PBX1: variants seen among roughly 807,000 people sequenced by gnomAD.
PBX1 encodes the protein PBX homeobox 1, also known as pre-B-cell leukemia transcription factor 1.
Under a neutral mutation model 53.4 loss-of-function variants are expected in PBX1, and 6 were observed. The observed-to-expected ratio is 0.11, with a 90% CI of 0.06 to 0.22. The LOEUF is 0.22. Among genes scored for constraint, PBX1 ranks in the 10% least tolerant of loss-of-function variants. PBX1 has a pLI of 1.00. For synonymous variants in PBX1, 204 were observed against 212.3 expected, an observed-to-expected ratio of 0.96 and a Z score of 0.34; for missense variants, 251 against 551.4, an observed-to-expected ratio of 0.46 and a Z score of 5.46.
intron 2 of PBX1, among the ~76,000 whole-genome samples, chr1:164,586,109 T>C (rs1475299811): frequency 6.6e-6 from 1 of 152,136 alleles, no homozygotes; most frequent in Non-Finnish European, 1.5e-5. Flanking sequence ...GAACTGTAAA[T>C]GTAGGTGATT....
intron 2 of PBX1, among the ~76,000 whole-genome samples, chr1:164,570,007 A>G (rs1388091391): frequency 6.6e-6 from 1 of 152,206 alleles, no homozygotes; most frequent in Non-Finnish European, 1.5e-5. Context: ...TACAAACTGG[A>G]CAACAACCGC....
intron 2 of PBX1, among the ~76,000 whole-genome samples, chr1:164,681,758 A>G (rs1421624369): frequency 6.6e-6 from 1 of 152,180 alleles, no homozygotes; most frequent in Non-Finnish European, 1.5e-5. Context: ...AAAATAATTC[A>G]TACACCCATC....
chr1:164,876,932 C>T (rs550832132), intron 2 of PBX1, among the ~76,000 whole-genome samples: 4 of 152,318 alleles, frequency 2.6e-5, no homozygotes, highest in East Asian at 1.9e-4. Flanking sequence ...CTAACTCACC[C>T]TGGACCTCAC....
intron 2 of PBX1, among the ~76,000 whole-genome samples, chr1:164,645,627 A>G (rs1249079550): frequency 6.6e-6 from 1 of 152,114 alleles, no homozygotes. Flanking sequence ...GGATGGAAAT[A>G]TTGAGGACAA....
chr1:164,824,636 A>G (rs1368084629), intron 8 of PBX1, among the ~76,000 whole-genome samples: 1 of 151,876 alleles, frequency 6.6e-6, no homozygotes, highest in Non-Finnish European at 1.5e-5. Flanking sequence ...TGCTTTTGAG[A>G]TGGATATAGT....
At chr1:164,587,705 C>T (rs1655044062) in intron 2 of PBX1, among the ~76,000 whole-genome samples, 1 of 152,194 alleles carries the variant, frequency 6.6e-6, no homozygotes, top group Non-Finnish European at 1.5e-5. Flanking sequence ...GACCCATCTG[C>T]TTCTCTTCTT....
intron 2 of PBX1, among the ~76,000 whole-genome samples, chr1:164,786,681 CTGTGTGTG>C (rs74747780): frequency 0.22 from 30,293 of 140,402 alleles, 3,381 homozygotes; most frequent in South Asian, 0.31. Context: ...TCAGAAGAGA[CTGTGTGTG>C]TGTGTGTGTG....
intron 2 of PBX1, among the ~76,000 whole-genome samples, chr1:164,733,750 T>G (rs1199237403): frequency 6.6e-6 from 1 of 152,234 alleles, no homozygotes; most frequent in Non-Finnish European, 1.5e-5. Context: ...ATATATCCAA[T>G]TAAAATTTTT....
intron 8 of PBX1, 53 bp from the exon 9 acceptor site, chr1:164,846,531 A>G: frequency 6.5e-7 from 1 of 1,527,496 alleles, no homozygotes; most frequent in South Asian, 1.1e-5. Flanking sequence ...TTGTCTGCTG[A>G]AAACAGCCAC....
chr1:164,738,465 A>G (rs1014502868), intron 2 of PBX1, among the ~76,000 whole-genome samples: 7 of 151,848 alleles, frequency 4.6e-5, no homozygotes, highest in African/African-American at 7.3e-5. Flanking sequence ...TTTATTTTCA[A>G]TTTTTTTCTA....
At chr1:164,656,371 A>G (rs947152001) in intron 2 of PBX1, among the ~76,000 whole-genome samples, 5 of 152,206 alleles carry the variant, frequency 3.3e-5, no homozygotes, top group Admixed American at 6.5e-5. Flanking sequence ...TGTTCAGTAC[A>G]TCTCATAGAA....
At chr1:164,732,591 A>G (rs1665055406) in intron 2 of PBX1, among the ~76,000 whole-genome samples, 1 of 152,008 alleles carries the variant, frequency 6.6e-6, no homozygotes. Flanking sequence ...TCTTTCCATT[A>G]CTTTTAATGG....
At chr1:164,615,295 A>C (rs532992349) in intron 2 of PBX1, among the ~76,000 whole-genome samples, 1 of 152,120 alleles carries the variant, frequency 6.6e-6, no homozygotes, top group Non-Finnish European at 1.5e-5. Context: ...GTTTATTTCC[A>C]TTTCTACTTG....
chr1:164,560,191 A>G (rs2101679297), intron 1 of PBX1, 178 bp downstream of exon 1: 1 of 535,942 alleles, frequency 1.9e-6, no homozygotes. Context: ...GTTGTTATCG[A>G]AAGTGTAATC....
intron 2 of PBX1, among the ~76,000 whole-genome samples, chr1:164,697,713 C>G (rs1662872337): frequency 6.6e-6 from 1 of 152,166 alleles, no homozygotes; most frequent in Admixed American, 6.5e-5. Flanking sequence ...GAAAATTAAA[C>G]TGTCACAGAG....
intron 2 of PBX1, chr1:164,674,488 A>G (rs1661307212): frequency 6.6e-6 from 1 of 152,202 alleles, no homozygotes; most frequent in Admixed American, 6.5e-5. Flanking sequence ...CCCATTTTCC[A>G]GTTACAGAGA....
At chr1:164,792,332 A>G (rs1571415987) in intron 2 of PBX1, among the ~76,000 whole-genome samples, 162 bp from the exon 3 acceptor site, 1 of 151,884 alleles carries the variant, frequency 6.6e-6, no homozygotes, top group Non-Finnish European at 1.5e-5. Context: ...TCATTTTCTC[A>G]CCCTCTCAGT....
intron 2 of PBX1, among the ~76,000 whole-genome samples, chr1:164,865,233 A>G (rs1312127939): frequency 6.6e-6 from 1 of 152,242 alleles, no homozygotes; most frequent in Non-Finnish European, 1.5e-5. Context: ...GCTCATAGCC[A>G]GTTCTCATTA....
intron 2 of PBX1, among the ~76,000 whole-genome samples, chr1:164,742,181 C>T (rs1665648608): frequency 6.6e-6 from 1 of 151,862 alleles, no homozygotes; most frequent in Admixed American, 6.6e-5. Context: ...GACAAGCCTT[C>T]AAAGGCTTTT....
Sources: allele counts gnomAD v4.1 joint callset (sites outside exome capture counted in the v4.1 genomes callset), GRCh38; gene constraint gnomAD v4.1.1; transcripts MANE v1.5; gene names NCBI Gene and HGNC (gene_info 2026-07-23, HGNC 2026-07-21).